The following CTNNA2 variants were observed in gnomAD, a reference collection of about 807,000 sequenced individuals.
CTNNA2 encodes the protein catenin alpha 2, also known as catenin alpha-2.
In CTNNA2, 42 loss-of-function variants were observed where a neutral mutation model predicts 101.0. That is an observed-to-expected ratio of 0.42 (90% CI 0.32 to 0.54). CTNNA2 has a LOEUF of 0.54. Ranked by LOEUF, CTNNA2 falls within the 20% of genes least tolerant of loss-of-function variation. The pLI, the probability that CTNNA2 is intolerant of heterozygous loss-of-function variation, is 0.14. For synonymous variants in CTNNA2, 450 were observed against 456.4 expected, an observed-to-expected ratio of 0.99 and a Z score of 0.18; for missense variants, 871 against 1,223.1, an observed-to-expected ratio of 0.71 and a Z score of 4.29.
At chr2:79,747,409 T>C (rs938383977) in intron 3 of CTNNA2, among the ~76,000 whole-genome samples, 4 of 152,212 alleles carry the variant, frequency 2.6e-5, no homozygotes, top group Non-Finnish European at 5.9e-5. Context: ...AAATTTACAA[T>C]ATGATAAATT....
chr2:79,388,634 C>T (rs1678133660), intron 4 of CTNNA2, among the ~76,000 whole-genome samples: 2 of 152,134 alleles, frequency 1.3e-5, no homozygotes, highest in Admixed American at 1.3e-4. Flanking sequence ...CCTCTGCCCT[C>T]CTCCCACTCT....
At chr2:79,333,550 G>A (rs546318462) in intron 3 of CTNNA2, among the ~76,000 whole-genome samples, 12 of 152,236 alleles carry the variant, frequency 7.9e-5, no homozygotes, top group African/African-American at 2.9e-4. Flanking sequence ...TGAATCAAAA[G>A]CTGTGTATCC....
chr2:79,703,953 T>TAA (rs3040902), intron 2 of CTNNA2, among the ~76,000 whole-genome samples: 105,759 of 151,758 alleles, frequency 0.7, 37,116 homozygotes, highest in East Asian at 0.93. Flanking sequence ...TTTAAATTTA[T>TAA]GTGATAAGTT....
intron 11 of CTNNA2, among the ~76,000 whole-genome samples, chr2:80,551,179 A>G (rs1312369237): frequency 6.6e-6 from 1 of 152,202 alleles, no homozygotes; most frequent in South Asian, 2.1e-4. Flanking sequence ...TTTATTCTGA[A>G]CAGTAGGTTT....
At chr2:80,489,476 C>G (rs181495546) in intron 9 of CTNNA2, among the ~76,000 whole-genome samples, 2 of 152,216 alleles carry the variant, frequency 1.3e-5, no homozygotes, top group East Asian at 3.9e-4. Flanking sequence ...CTTTCTTTTT[C>G]AGTAGATCAT....
chr2:80,492,596 A>G (rs973835283), intron 9 of CTNNA2, among the ~76,000 whole-genome samples: 1 of 152,208 alleles, frequency 6.6e-6, no homozygotes, highest in South Asian at 2.1e-4. Flanking sequence ...TCAACTTGAC[A>G]TACAGAGCCT....
chr2:80,543,724 G>T (rs11126770), intron 9 of CTNNA2, among the ~76,000 whole-genome samples: 10,369 of 152,144 alleles, frequency 0.068, 850 homozygotes, highest in African/African-American at 0.19. Flanking sequence ...ACTGCCTAAG[G>T]TTTCTTTCAC....
chr2:80,446,451 A>T (rs1414785327), intron 9 of CTNNA2, among the ~76,000 whole-genome samples: 6 of 152,238 alleles, frequency 3.9e-5, no homozygotes, highest in Non-Finnish European at 4.4e-5. Context: ...ATATGCTAGA[A>T]TATAATCTTT....
At chr2:79,675,932 T>A (rs1372802592) in intron 2 of CTNNA2, among the ~76,000 whole-genome samples, 1 of 152,236 alleles carries the variant, frequency 6.6e-6, no homozygotes, top group Non-Finnish European at 1.5e-5. Flanking sequence ...GTACATCCTA[T>A]GTCCCACTGG....
intron 4 of CTNNA2, among the ~76,000 whole-genome samples, chr2:79,408,139 G>A (rs567200275): frequency 3.6e-4 from 54 of 151,938 alleles, no homozygotes; most frequent in African/African-American, 1.2e-3. Context: ...CTGAGAATCC[G>A]TCCCATCTTC....
intron 7 of CTNNA2, among the ~76,000 whole-genome samples, chr2:79,922,642 C>CTTTTTTTT (rs35186079): frequency 7.3e-6 from 1 of 137,180 alleles, no homozygotes. Context: ...CAGTTTTTTA[C>CTTTTTTTT]TTTTTTTTTT....
chr2:80,131,458 A>T lies in CTNNA2; in HGVS notation c.1056+221661A>T, dbSNP rs901097809. Reference sequence around the variant, plus strand: ...ATAGGTCTCCTACTATTTCAAAATTAAAAGTTTATAAAATGGTAATGACGG... The same window carrying T: ...ATAGGTCTCCTACTATTTCAAAATTTAAAGTTTATAAAATGGTAATGACGG... On this transcript the variant is annotated intron_variant, in intron 7 of 18. Transcript: ENST00000402739. 1.1e-4 allele frequency among the ~76,000 whole-genome samples: 17 copies of T among 152,218 alleles called. 1 individual carries two copies. Among genetic ancestry groups the T allele is most frequent in the Non-Finnish European group, 2.9e-5 (2 of 68,040 alleles).
chr2:79,387,918 A>C (rs889288339), intron 4 of CTNNA2, among the ~76,000 whole-genome samples: 3 of 152,212 alleles, frequency 2.0e-5, no homozygotes, highest in African/African-American at 4.8e-5. Flanking sequence ...GAATATAAGG[A>C]ACTAATATAA....
chr2:80,520,594 C>T (rs1573113760), intron 9 of CTNNA2, among the ~76,000 whole-genome samples: 1 of 152,124 alleles, frequency 6.6e-6, no homozygotes, highest in African/African-American at 2.4e-5. Flanking sequence ...ACTGTATCCT[C>T]ACCTTGCAGA....
intron 7 of CTNNA2, among the ~76,000 whole-genome samples, chr2:80,323,707 T>A (rs1486148748): frequency 6.6e-6 from 1 of 152,080 alleles, no homozygotes; most frequent in Non-Finnish European, 1.5e-5. Context: ...TATTAGTGAA[T>A]CCATATGTAT....
intron 4 of CTNNA2, among the ~76,000 whole-genome samples, chr2:79,407,813 T>A (rs1057026518): frequency 6.6e-6 from 1 of 152,030 alleles, no homozygotes; most frequent in Non-Finnish European, 1.5e-5. Context: ...GTTGTATCCA[T>A]CTCAATCCTG....
At chr2:80,511,371 T>C (rs551730032) in intron 9 of CTNNA2, among the ~76,000 whole-genome samples, 2 of 152,358 alleles carry the variant, frequency 1.3e-5, no homozygotes, top group South Asian at 4.1e-4. Context: ...CTCTAGGTAC[T>C]GTGAGCAAGA....
At chr2:79,987,575 G>T (rs1169578509) in intron 7 of CTNNA2, among the ~76,000 whole-genome samples, 1 of 149,414 alleles carries the variant, frequency 6.7e-6, no homozygotes, top group African/African-American at 2.4e-5. Context: ...TAAATGGAAG[G>T]TATAAGTTGC....
intron 4 of CTNNA2, among the ~76,000 whole-genome samples, chr2:79,405,895 A>C (rs973593499): frequency 1.3e-5 from 2 of 152,032 alleles, no homozygotes; most frequent in Admixed American, 6.6e-5. Flanking sequence ...TTACATAAGC[A>C]TTGTGGATGG....
Sources: allele counts gnomAD v4.1 joint callset (sites outside exome capture counted in the v4.1 genomes callset), GRCh38; gene constraint gnomAD v4.1.1; transcripts MANE v1.5; gene names NCBI Gene and HGNC (gene_info 2026-07-23, HGNC 2026-07-21).